The following ANGPT2 variants were observed in gnomAD, a reference collection of about 807,000 sequenced individuals.
ANGPT2 encodes angiopoietin 2, also known as angiopoietin-2.
In ANGPT2, 28 loss-of-function variants were observed where a neutral mutation model predicts 62.9. The observed-to-expected ratio is 0.44, with a 90% CI of 0.33 to 0.61. The LOEUF is 0.61. ANGPT2 is among the 20% of genes least tolerant of loss of function. The pLI is 0.03. For missense variants in ANGPT2, 727 were observed against 594.9 expected, an observed-to-expected ratio of 1.22 and a Z score of -2.31; for synonymous variants, 284 against 207.8, an observed-to-expected ratio of 1.37 and a Z score of -3.15.
At position 6,502,547 on chromosome 8, in the gene ANGPT2, T is replaced by C. The variant is rs1485671480; in HGVS notation, c.*554A>G. 6.6e-6 allele frequency: 1 copy of C among 152,224 alleles called. No homozygotes were observed. Among genetic ancestry groups the C allele is most frequent in the African/African-American group, 2.4e-5 (1 of 41,458 alleles). The allele number at this position is 152,224 out of a possible 1,614,324, so 9.4% of individuals were successfully genotyped here. A position where few individuals can be genotyped will look rare whatever the true frequency, so the allele number is the denominator to read the frequency against. ...AAGCACCTAAGAGATGGAGTAAAAA[T>C]GCACTAACTGTTTTTCCAAATATTA... On this transcript the variant is annotated 3_prime_UTR_variant, in exon 9 of 9. Transcript: ENST00000629816.
chr8:6,499,677 A>G lies in ANGPT2; in HGVS notation c.*3424T>C. ...TTTTCTCAATCAACTTTTTATTAAT[A>G]TTCATAACATTTATGCAACATGAAG... On this transcript the variant is annotated 3_prime_UTR_variant, in exon 9 of 9. Coordinates refer to ENST00000629816, the MANE Select transcript of ANGPT2 (RefSeq NM_001118887.2). 1.7e-6 allele frequency: 1 copy of G among 591,396 alleles called. No individual in the cohort carries two copies. The highest frequency in any genetic ancestry group is 3.0e-6 in the Non-Finnish European group (1 of 332,018). The allele number at this position is 591,396 out of a possible 1,614,324, so 36.6% of individuals were successfully genotyped here.
At chr8:6,503,391 A>G (rs943809465) in intron 8 of ANGPT2, 130 bp from the exon 9 acceptor site, 3 of 875,728 alleles carry the variant, frequency 3.4e-6, no homozygotes, top group Admixed American at 4.2e-5. Flanking sequence ...GATGATGGTG[A>G]GTATAGGATG....
chr8:6,523,630 C>G (rs1401944473), intron 3 of ANGPT2, among the ~76,000 whole-genome samples: 2 of 152,106 alleles, frequency 1.3e-5, no homozygotes, highest in Middle Eastern at 3.2e-3. Flanking sequence ...CGCGCTGTGG[C>G]CTGGGCTGTT....
At chr8:6,530,641 A>C (rs1225892839) in intron 2 of ANGPT2, among the ~76,000 whole-genome samples, 1 of 152,032 alleles carries the variant, frequency 6.6e-6, no homozygotes, top group Non-Finnish European at 1.5e-5. Flanking sequence ...CTAAGATTTA[A>C]ATTTTTAGTA....
chr8:6,551,372 G>T (rs1478011610), intron 1 of ANGPT2, among the ~76,000 whole-genome samples: 1 of 150,326 alleles, frequency 6.7e-6, no homozygotes, highest in African/African-American at 2.5e-5. Flanking sequence ...CACGGGACAG[G>T]CCAATTATGT....
At chr8:6,561,403 AAAT>A (rs1825520107) in intron 1 of ANGPT2, among the ~76,000 whole-genome samples, 1 of 152,208 alleles carries the variant, frequency 6.6e-6, no homozygotes, top group African/African-American at 2.4e-5. Flanking sequence ...CTCATGACTC[AAAT>A]AATAACTTAG....
At chr8:6,540,234 T>G (rs1032639311) in intron 1 of ANGPT2, among the ~76,000 whole-genome samples, 1 of 152,244 alleles carries the variant, frequency 6.6e-6, no homozygotes, top group African/African-American at 2.4e-5. Context: ...TCATATCATT[T>G]TACCTCTTTG....
At chr8:6,510,008 G>T (rs979302368) in intron 7 of ANGPT2, among the ~76,000 whole-genome samples, 1 of 152,128 alleles carries the variant, frequency 6.6e-6, no homozygotes, top group Non-Finnish European at 1.5e-5. Context: ...TGCTGAATGC[G>T]TATCACCTTC....
chr8:6,517,604 T>A (rs1181070597), intron 5 of ANGPT2, among the ~76,000 whole-genome samples: 4 of 152,194 alleles, frequency 2.6e-5, no homozygotes, highest in Admixed American at 1.3e-4. Context: ...GCAGAGAAGT[T>A]GTCTGGTAGT....
chr8:6,560,616 C>G (rs151150849), intron 1 of ANGPT2, among the ~76,000 whole-genome samples: 1 of 152,182 alleles, frequency 6.6e-6, no homozygotes, highest in Non-Finnish European at 1.5e-5. Flanking sequence ...TTAAGTCATT[C>G]TTGGGGAAAC....
intron 1 of ANGPT2, among the ~76,000 whole-genome samples, chr8:6,539,937 C>T (rs4991606): frequency 5.3e-5 from 8 of 151,860 alleles, no homozygotes; most frequent in African/African-American, 1.9e-4. Flanking sequence ...ATAACCAACC[C>T]CTTTCCTACT....
At chr8:6,558,435 C>G (rs142777443) in intron 1 of ANGPT2, among the ~76,000 whole-genome samples, 298 of 152,152 alleles carry the variant, frequency 2.0e-3, no homozygotes, top group African/African-American at 6.8e-3. Flanking sequence ...TTTAAATGTA[C>G]AAAATTTCAA....
intron 8 of ANGPT2, chr8:6,508,024 T>C (rs1428883883): frequency 6.6e-6 from 1 of 152,244 alleles, no homozygotes; most frequent in Non-Finnish European, 1.5e-5. Context: ...TATGGCAGTG[T>C]AATACCAAAC....
At chr8:6,507,841 C>T (rs2515412) in intron 8 of ANGPT2, 26,673 of 99,980 alleles carry the variant, frequency 0.27, 2,952 homozygotes, top group African/African-American at 0.34. Context: ...CCTTGGCCTC[C>T]CAAAGTGCTG....
At position 6,562,991 on chromosome 8, in the gene ANGPT2, G is replaced by A; in HGVS notation, c.-57C>T. 6.5e-7 allele frequency: 1 copy of A among 1,529,706 alleles called. No homozygotes were observed. Among genetic ancestry groups the A allele is most frequent in the Non-Finnish European group, 8.8e-7 (1 of 1,131,404 alleles). The allele number at this position is 1,529,706 out of a possible 1,614,324, so 94.8% of individuals were successfully genotyped here. A position where few individuals can be genotyped will look rare whatever the true frequency, so the allele number is the denominator to read the frequency against. ...AAACTTGAGGGCAAACACACGTCCA[G>A]AGTCCCGAGCTGCTGCCGTCTAAAA... On this transcript the variant is annotated 5_prime_UTR_variant, in exon 1 of 9. Coordinates refer to ENST00000629816, the MANE Select transcript of ANGPT2 (RefSeq NM_001118887.2).
At chr8:6,527,957 A>G (rs1222573507) in intron 2 of ANGPT2, among the ~76,000 whole-genome samples, 1 of 147,258 alleles carries the variant, frequency 6.8e-6, no homozygotes, top group African/African-American at 2.5e-5. Context: ...GTGCAGTGGC[A>G]TGATCTCGGC....
chr8:6,520,104 G>A, intron 4 of ANGPT2, 113 bp from the exon 5 acceptor site: 2 of 1,225,900 alleles, frequency 1.6e-6, no homozygotes, highest in Non-Finnish European at 1.1e-6. Context: ...TCTTAAGTAA[G>A]CAAAAGGCTG....
chr8:6,539,154 A>G (rs1281372306), intron 1 of ANGPT2, among the ~76,000 whole-genome samples: 1 of 152,244 alleles, frequency 6.6e-6, no homozygotes, highest in Non-Finnish European at 1.5e-5. Context: ...GATTTTGGGC[A>G]GCACTTTGTC....
chr8:6,532,325 T>C lies in ANGPT2; in HGVS notation c.444+7A>G. The C allele has an allele frequency of 6.2e-7, 1 of 1,614,164 alleles. No individual in the cohort carries two copies. The highest frequency in any genetic ancestry group is 1.3e-5 in the African/African-American group (1 of 75,044). On this transcript the variant is annotated splice_region_variant and intron_variant, in intron 2 of 8. Transcript: ENST00000629816. Reference sequence around the variant, plus strand: ...GGACACCGTGTGCTTTATGTGGCATTACTTACTTGGGCTTCCACATCAGTT... The same window carrying C: ...GGACACCGTGTGCTTTATGTGGCATCACTTACTTGGGCTTCCACATCAGTT...
Sources: gnomAD v4.1 joint callset for allele counts (sites outside exome capture counted in the v4.1 genomes callset) on GRCh38, gnomAD v4.1.1 for gene constraint, MANE v1.5 for transcripts, NCBI Gene and HGNC (gene_info 2026-07-23, HGNC 2026-07-21) for gene names.